Variants in ATP2B3 observed in about 807,000 individuals in gnomAD.
ATP2B3 encodes plasma membrane calcium-transporting ATPase 3.
A neutral mutation model predicts 70.8 loss-of-function variants in ATP2B3; 12 were observed. That is an observed-to-expected ratio of 0.17 (90% CI 0.11 to 0.27). The LOEUF is 0.27. Among genes scored for constraint, ATP2B3 ranks in the 10% least tolerant of loss-of-function variants. The probability of loss-of-function intolerance (pLI) is 1.00; values close to 1 mark genes in which losing one functional copy is unlikely to be tolerated. For synonymous variants in ATP2B3, 460 were observed against 497.8 expected (o/e 0.92, Z 1.01); for missense variants, 858 against 1,118.5 (o/e 0.77, Z 3.32).
intron 21 of ATP2B3, among the ~76,000 whole-genome samples, chrX:153,566,919 G>A (rs59184039): frequency 0.061 from 6,805 of 111,913 alleles, 206 homozygotes; most frequent in African/African-American, 0.11. Flanking sequence ...CCACGATCAC[G>A]CAGGGCTAGG....
intron 21 of ATP2B3, among the ~76,000 whole-genome samples, chrX:153,572,247 C>T (rs4144872): frequency 0.055 from 6,250 of 112,759 alleles, 276 homozygotes; most frequent in African/African-American, 0.14. Context: ...GCTGCCCCAA[C>T]TAGGCCTGCA....
At chrX:153,559,682 T>C (rs2090594169) in intron 17 of ATP2B3, 47 bp from the exon 18 acceptor site, 1 of 1,163,425 alleles carries the variant, frequency 8.6e-7, no homozygotes, top group African/African-American at 1.8e-5. Flanking sequence ...ACCCCCAACC[T>C]TCCCGGGCAG....
At chrX:153,562,923 C>T (rs1258450337) in intron 20 of ATP2B3, among the ~76,000 whole-genome samples, 1 of 111,767 alleles carries the variant, frequency 8.9e-6, no homozygotes, top group Non-Finnish European at 1.9e-5. Context: ...CAGACAGCCG[C>T]CTCCTCACTC....
At chrX:153,560,479 G>A (rs1254175310) in intron 18 of ATP2B3, among the ~76,000 whole-genome samples, 197 bp from the exon 19 acceptor site, 2 of 111,639 alleles carry the variant, frequency 1.8e-5, no homozygotes, top group Non-Finnish European at 3.8e-5. Flanking sequence ...TCTGGCCCCT[G>A]GCCCAGAGGG....
intron 2 of ATP2B3, among the ~76,000 whole-genome samples, chrX:153,521,902 A>G (rs528641357): frequency 2.7e-5 from 3 of 112,087 alleles, no homozygotes; most frequent in African/African-American, 9.7e-5. Flanking sequence ...TCTACAGGAA[A>G]TGGAAACCCA....
intron 2 of ATP2B3, among the ~76,000 whole-genome samples, chrX:153,534,805 A>G (rs782057531): frequency 5.3e-5 from 6 of 113,273 alleles, no homozygotes; most frequent in South Asian, 3.6e-4. Context: ...CTTTTCAAAC[A>G]TGGGTCACTG....
At position 153,529,390 on chromosome X, in the gene ATP2B3, A is replaced by G. The variant is rs781978225; in HGVS notation, c.-126-6732A>G. Among the ~76,000 whole-genome samples the G allele has an allele frequency of 1.3e-4, 14 of 111,492 alleles. No homozygotes were observed. In the South Asian group the frequency reaches 4.5e-3, roughly 36 times the overall value. ...CAGTAGGGGGGTTTCCTGGAAGTTA[A>G]AATCCATACAAGCGAACTGCTGGCT... On this transcript the variant is annotated intron_variant, in intron 2 of 21. Coordinates refer to ENST00000263519, the MANE Select transcript of ATP2B3 (RefSeq NM_001001344.3).
intron 3 of ATP2B3, 139 bp downstream of exon 3, chrX:153,536,594 G>C: frequency 4.4e-6 from 3 of 685,352 alleles, no homozygotes; most frequent in Non-Finnish European, 6.7e-6. Context: ...CCCTTGAGGG[G>C]GAGATGCCCT....
At chrX:153,539,289 G>A (rs1452049897) in intron 3 of ATP2B3, among the ~76,000 whole-genome samples, 2 of 112,549 alleles carry the variant, frequency 1.8e-5, no homozygotes, top group Non-Finnish European at 3.8e-5. Context: ...GATTGGGGCA[G>A]GCTCGGGCCT....
At chrX:153,576,972 G>A (rs1358460921) in intron 21 of ATP2B3, among the ~76,000 whole-genome samples, 3 of 112,555 alleles carry the variant, frequency 2.7e-5, no homozygotes, top group Admixed American at 1.9e-4. Context: ...TTAGGATGCA[G>A]GGAAAATAGA....
At chrX:153,566,827 C>T (rs782223873) in intron 21 of ATP2B3, among the ~76,000 whole-genome samples, 44 of 111,789 alleles carry the variant, frequency 3.9e-4, no homozygotes, top group Non-Finnish European at 6.2e-4. Context: ...GGCCCTCATG[C>T]TTACAAAGCC....
chrX:153,552,313 C>T (rs1241036068), intron 12 of ATP2B3, among the ~76,000 whole-genome samples: 3 of 111,964 alleles, frequency 2.7e-5, no homozygotes, highest in Non-Finnish European at 5.6e-5. Flanking sequence ...GGAGGCTCTC[C>T]GTCCACACAG....
intron 16 of ATP2B3, among the ~76,000 whole-genome samples, chrX:153,557,555 T>C (rs917619108): frequency 8.9e-6 from 1 of 112,124 alleles, no homozygotes; most frequent in Non-Finnish European, 1.9e-5. Flanking sequence ...AGCCCAGTCC[T>C]TCCCAGCACC....
At chrX:153,555,357 G>A (rs1603087692) in intron 13 of ATP2B3, among the ~76,000 whole-genome samples, 1 of 110,206 alleles carries the variant, frequency 9.1e-6, no homozygotes, top group South Asian at 4.0e-4. Context: ...CAGGCCTGGC[G>A]GCTCGGCCAC....
At chrX:153,518,114 T>TGCGCCCC (rs1383518328) in intron 1 of ATP2B3, among the ~76,000 whole-genome samples, 10 of 111,897 alleles carry the variant, frequency 8.9e-5, no homozygotes, top group Admixed American at 3.7e-4. Context: ...CCCTGCACCC[T>TGCGCCCC]GCGCCCCGCA....
chrX:153,522,984 G>A (rs1388687854), intron 2 of ATP2B3, among the ~76,000 whole-genome samples: 1 of 110,913 alleles, frequency 9.0e-6, no homozygotes, highest in African/African-American at 3.3e-5. Context: ...CAGAGAAGTC[G>A]AAAATGTAGT....
At chrX:153,556,832 T>C in intron 15 of ATP2B3, 85 bp from the exon 16 acceptor site, 1 of 1,001,387 alleles carries the variant, frequency 1.0e-6, no homozygotes, top group Non-Finnish European at 1.4e-6. Flanking sequence ...ACAGCCAACC[T>C]ACCCCCATAG....
intron 6 of ATP2B3, 88 bp from the exon 7 acceptor site, chrX:153,542,955 A>T: frequency 9.2e-7 from 1 of 1,089,237 alleles, no homozygotes. Flanking sequence ...TGCTTCCGGG[A>T]GACCCTGGGA....
In ATP2B3 at chrX:153,556,460, G is replaced by A. The variant is rs1232283918; in HGVS notation, c.2326+42G>A. 3.8e-5 allele frequency: 44 copies of A among 1,146,338 alleles called. No homozygotes were observed. The South Asian group carries it at 6.5e-4, about 17-fold the overall frequency. The allele number at this position is 1,146,338 out of a possible 1,213,427, so 94.5% of individuals were successfully genotyped here. A position where few individuals can be genotyped will look rare whatever the true frequency, so the allele number is the denominator to read the frequency against. Reference sequence around the variant, plus strand: ...ACCCCTTTCCTGGGGTGGCCAGCCCGAGGTTGTCTGCTTCCTGACACCAAA... The same window carrying A: ...ACCCCTTTCCTGGGGTGGCCAGCCCAAGGTTGTCTGCTTCCTGACACCAAA... On this transcript the variant is annotated intron_variant, in intron 15 of 21. Coordinates refer to ENST00000263519, the MANE Select transcript of ATP2B3 (RefSeq NM_001001344.3).
Sources: allele counts gnomAD v4.1 joint callset (sites outside exome capture counted in the v4.1 genomes callset), GRCh38; gene constraint gnomAD v4.1.1; transcripts MANE v1.5; gene names NCBI Gene and HGNC (gene_info 2026-07-23, HGNC 2026-07-21).